L3MBTL4: variants seen among roughly 807,000 people sequenced by gnomAD.
L3MBTL4 encodes the protein L3MBTL histone methyl-lysine binding protein 4.
L3MBTL4 carries 70 observed loss-of-function variants against 84.5 expected under a neutral mutation model. The ratio of observed to expected loss-of-function variants is 0.83; its 90% CI spans 0.68 to 1.01. The LOEUF (loss-of-function observed/expected upper bound fraction) is 1.01, where lower values mean the gene tolerates loss of function less well. L3MBTL4 is among the 50% of genes least tolerant of loss of function. The pLI is 0.00. For missense variants in L3MBTL4, 715 were observed against 754.8 expected, an observed-to-expected ratio of 0.95 and a Z score of 0.62; for synonymous variants, 274 against 259.8, an observed-to-expected ratio of 1.05 and a Z score of -0.52.
chr18:5,977,604 A>G (rs1363307233), intron 16 of L3MBTL4, among the ~76,000 whole-genome samples: 2 of 152,218 alleles, frequency 1.3e-5, no homozygotes, highest in African/African-American at 2.4e-5. Flanking sequence ...AGCAGGAGGC[A>G]GTCACGACTC....
chr18:6,117,727 A>C (rs977663327), intron 14 of L3MBTL4, among the ~76,000 whole-genome samples: 2 of 152,252 alleles, frequency 1.3e-5, no homozygotes, highest in African/African-American at 2.4e-5. Context: ...ATCTTGGCAC[A>C]CAACAGAAAC....
chr18:5,981,998 G>GTGTT (rs1555622581), intron 16 of L3MBTL4, among the ~76,000 whole-genome samples: 3 of 128,594 alleles, frequency 2.3e-5, no homozygotes, highest in African/African-American at 1.0e-4. Flanking sequence ...GTGTGTGTGT[G>GTGTT]TGTGTGTGTG....
intron 12 of L3MBTL4, among the ~76,000 whole-genome samples, chr18:6,189,728 C>T (rs2044974012): frequency 6.6e-6 from 1 of 151,584 alleles, no homozygotes; most frequent in Non-Finnish European, 1.5e-5. Flanking sequence ...TTTAAAATTC[C>T]ATATCTGAAA....
At chr18:6,081,268 G>A (rs933670776) in intron 15 of L3MBTL4, 47 of 212,106 alleles carry the variant, frequency 2.2e-4, no homozygotes, top group Middle Eastern at 1.6e-3. Flanking sequence ...TGGGTGATGG[G>A]ATGGTAGGTA....
At chr18:6,261,920 C>A (rs2048418883) in intron 5 of L3MBTL4, among the ~76,000 whole-genome samples, 1 of 152,170 alleles carries the variant, frequency 6.6e-6, no homozygotes. Flanking sequence ...AAAATTAGTC[C>A]ACACTTCACC....
intron 1 of L3MBTL4, among the ~76,000 whole-genome samples, chr18:6,378,180 G>C (rs139063081): frequency 0.27 from 40,641 of 152,002 alleles, 6,311 homozygotes; most frequent in Middle Eastern, 0.38. Flanking sequence ...TTTTTTTCTT[G>C]TAAATTTGTT....
At chr18:6,195,194 T>C (rs2045318827) in intron 12 of L3MBTL4, among the ~76,000 whole-genome samples, 1 of 152,076 alleles carries the variant, frequency 6.6e-6, no homozygotes, top group Non-Finnish European at 1.5e-5. Context: ...AGCAACACAG[T>C]TCAAGAGACC....
At chr18:5,986,532 A>G (rs536609582) in intron 16 of L3MBTL4, among the ~76,000 whole-genome samples, 2 of 152,346 alleles carry the variant, frequency 1.3e-5, no homozygotes, top group South Asian at 2.1e-4. Context: ...ATCTCCCTTC[A>G]TTGCCTTTGA....
intron 14 of L3MBTL4, among the ~76,000 whole-genome samples, chr18:6,128,911 C>G (rs187970121): frequency 6.6e-6 from 1 of 152,098 alleles, no homozygotes; most frequent in Admixed American, 6.5e-5. Flanking sequence ...GATTAATGGA[C>G]CCCCTGATGT....
chr18:6,394,174 A>G (rs2055176101), intron 1 of L3MBTL4, among the ~76,000 whole-genome samples: 1 of 152,196 alleles, frequency 6.6e-6, no homozygotes, highest in Admixed American at 6.5e-5. Context: ...CACCTTTTAA[A>G]ATGATAAACA....
intron 3 of L3MBTL4, among the ~76,000 whole-genome samples, chr18:6,305,459 C>A (rs2050540709): frequency 6.6e-6 from 1 of 152,098 alleles, no homozygotes; most frequent in Non-Finnish European, 1.5e-5. Flanking sequence ...TATTAATGAA[C>A]AGAGAGTGAA....
At chr18:6,369,266 T>G (rs2054061725) in intron 1 of L3MBTL4, among the ~76,000 whole-genome samples, 1 of 151,980 alleles carries the variant, frequency 6.6e-6, no homozygotes, top group Non-Finnish European at 1.5e-5. Context: ...TCATAATTCA[T>G]CAATATGCTG....
intron 12 of L3MBTL4, among the ~76,000 whole-genome samples, chr18:6,210,825 T>A (rs1268037361): frequency 6.6e-6 from 1 of 152,198 alleles, no homozygotes; most frequent in East Asian, 1.9e-4. Context: ...GGCTTGTTCT[T>A]TGTCCATCTA....
At chr18:6,214,216 C>T (rs896034075) in intron 11 of L3MBTL4, among the ~76,000 whole-genome samples, 3 of 152,120 alleles carry the variant, frequency 2.0e-5, no homozygotes, top group Non-Finnish European at 4.4e-5. Flanking sequence ...AAACCACAGG[C>T]TCATGCCTGT....
At chr18:6,060,449 TA>T (rs201281102) in intron 16 of L3MBTL4, among the ~76,000 whole-genome samples, 40 of 149,716 alleles carry the variant, frequency 2.7e-4, no homozygotes, top group Middle Eastern at 3.4e-3. Context: ...TTTAGGTTTA[TA>T]AAAAAAAAAT....
At chr18:6,376,615 G>A (rs1295498792) in intron 1 of L3MBTL4, among the ~76,000 whole-genome samples, 1 of 152,120 alleles carries the variant, frequency 6.6e-6, no homozygotes, top group African/African-American at 2.4e-5. Context: ...GTGTGTACCT[G>A]TAGTCCCAGC....
At chr18:6,386,760 G>C (rs114667402) in intron 1 of L3MBTL4, among the ~76,000 whole-genome samples, 2,656 of 152,274 alleles carry the variant, frequency 0.017, 59 homozygotes, top group African/African-American at 0.057. Context: ...GTGCACAAAG[G>C]GGGAGAAGGC....
chr18:6,005,365 G>T (rs2054427293), intron 16 of L3MBTL4, among the ~76,000 whole-genome samples: 1 of 92,368 alleles, frequency 1.1e-5, no homozygotes, highest in African/African-American at 3.8e-5. Flanking sequence ...ACAAAAAGGA[G>T]CACATGTACG....
At chr18:6,202,797 G>A (rs1022170611) in intron 12 of L3MBTL4, among the ~76,000 whole-genome samples, 3 of 152,140 alleles carry the variant, frequency 2.0e-5, no homozygotes, top group Admixed American at 6.5e-5. Context: ...GTATTGAGGA[G>A]TTCAGTCCAG....
Sources: gnomAD v4.1 joint callset for allele counts (sites outside exome capture counted in the v4.1 genomes callset) on GRCh38, gnomAD v4.1.1 for gene constraint, MANE v1.5 for transcripts, NCBI Gene and HGNC (gene_info 2026-07-23, HGNC 2026-07-21) for gene names.